TENM2: variants seen among roughly 807,000 people sequenced by gnomAD.
TENM2 encodes the protein teneurin-2.
Under a neutral mutation model 245.2 loss-of-function variants are expected in TENM2, and 52 were observed. The ratio of observed to expected loss-of-function variants is 0.21; its 90% CI spans 0.17 to 0.27. The LOEUF (loss-of-function observed/expected upper bound fraction) is 0.27, where lower values mean the gene tolerates loss of function less well. TENM2 is among the 10% of genes least tolerant of loss of function. The pLI is 1.00. For missense variants in TENM2, 3,046 were observed against 3,666.8 expected (o/e 0.83, Z 4.37); for synonymous variants, 1,363 against 1,438.9 (o/e 0.95, Z 1.19).
At chr5:167,544,518 G>A (rs937444609) in intron 2 of TENM2, among the ~76,000 whole-genome samples, 6 of 152,020 alleles carry the variant, frequency 3.9e-5, no homozygotes, top group Non-Finnish European at 2.9e-5. Flanking sequence ...AATTTATCAG[G>A]GGCACTTTTA....
chr5:167,248,615 T>G, the TENM2 span, among the ~76,000 whole-genome samples: 3 of 152,186 alleles, frequency 2.0e-5, no homozygotes, highest in African/African-American at 7.2e-5. Context: ...GTCCATAAGT[T>G]TGAATTGATG....
chr5:167,987,349 T>G (rs2151989681), intron 4 of TENM2, among the ~76,000 whole-genome samples: 1 of 151,712 alleles, frequency 6.6e-6, no homozygotes, highest in South Asian at 2.1e-4. Context: ...TTTTTTTAGT[T>G]GGAGTTTCCT....
chr5:167,044,660 T>A, the TENM2 span, among the ~76,000 whole-genome samples: 2 of 152,156 alleles, frequency 1.3e-5, no homozygotes, highest in African/African-American at 4.8e-5. Flanking sequence ...GAGCCACTGG[T>A]GTAGAAGCCT....
In TENM2 at chr5:167,681,697, T is replaced by G. The variant is rs564671558; in HGVS notation, c.503-194289T>G. Among the ~76,000 whole-genome samples the G allele has an allele frequency of 4.6e-5, 7 of 152,292 alleles. No individual in the cohort carries two copies. The South Asian group carries it at 1.4e-3, about 32-fold the overall frequency. ...CATATACATAATACATACAAATATATGTACACATGCCCAAATTGCCCTCCA... is the reference window on the plus strand; with the variant it reads ...CATATACATAATACATACAAATATAGGTACACATGCCCAAATTGCCCTCCA... On this transcript the variant is annotated intron_variant, in intron 2 of 28. Coordinates refer to ENST00000518659, the Ensembl canonical transcript of TENM2.
chr5:168,165,652 C>CCA (rs1758196421), intron 13 of TENM2, among the ~76,000 whole-genome samples: 1 of 23,444 alleles, frequency 4.3e-5, no homozygotes, highest in Non-Finnish European at 1.1e-4. Flanking sequence ...CCCCCAACCC[C>CCA]CCCCCCCCCC....
chr5:168,137,921 G>A (rs974084120), intron 12 of TENM2, among the ~76,000 whole-genome samples: 3 of 152,094 alleles, frequency 2.0e-5, no homozygotes, highest in Admixed American at 6.5e-5. Flanking sequence ...AAGTGTTATC[G>A]TATCCTAGAG....
chr5:167,096,775 G>A, the TENM2 span, among the ~76,000 whole-genome samples: 1 of 152,146 alleles, frequency 6.6e-6, no homozygotes. Context: ...TGAGTGATGT[G>A]GAGAAAATAA....
chr5:167,486,197 C>G (rs75340236), intron 2 of TENM2, among the ~76,000 whole-genome samples: 1 of 152,194 alleles, frequency 6.6e-6, no homozygotes, highest in East Asian at 1.9e-4. Flanking sequence ...CATAGAACAT[C>G]TGCCATACTC....
At chr5:168,249,571 G>A (rs1359349289) in intron 27 of TENM2, among the ~76,000 whole-genome samples, 1 of 152,132 alleles carries the variant, frequency 6.6e-6, no homozygotes, top group Admixed American at 6.5e-5. Flanking sequence ...TTGGCCGGCA[G>A]AAGTGAGCTC....
intron 26 of TENM2, among the ~76,000 whole-genome samples, chr5:168,246,250 A>AAT (rs34267396): frequency 1.3e-5 from 2 of 151,518 alleles, no homozygotes; most frequent in Non-Finnish European, 2.9e-5. Flanking sequence ...AAAAAAAAAA[A>AAT]TGCAGGATGT....
At chr5:168,020,509 G>A (rs750379215) in intron 5 of TENM2, among the ~76,000 whole-genome samples, 5 of 152,134 alleles carry the variant, frequency 3.3e-5, no homozygotes, top group Non-Finnish European at 2.9e-5. Context: ...GGTTTTTGAC[G>A]TCGTCATTTT....
At chr5:167,207,334 G>GAGAGAA in the TENM2 span, among the ~76,000 whole-genome samples, 1 of 152,222 alleles carries the variant, frequency 6.6e-6, no homozygotes, top group South Asian at 2.1e-4. Flanking sequence ...GAGAACGCAT[G>GAGAGAA]AGTATAGTCA....
intron 2 of TENM2, among the ~76,000 whole-genome samples, chr5:167,594,490 A>T (rs905386962): frequency 6.6e-6 from 1 of 152,220 alleles, no homozygotes; most frequent in African/African-American, 2.4e-5. Flanking sequence ...ATCAGATTCT[A>T]TCAGGACATT....
intron 2 of TENM2, among the ~76,000 whole-genome samples, chr5:167,445,282 A>C (rs917085675): frequency 6.7e-6 from 1 of 148,358 alleles, no homozygotes; most frequent in African/African-American, 2.5e-5. Context: ...GATACTTACT[A>C]TATGTCAGGC....
chr5:167,395,550 T>G (rs1385131602), intron 2 of TENM2, among the ~76,000 whole-genome samples: 1 of 152,166 alleles, frequency 6.6e-6, no homozygotes, highest in Non-Finnish European at 1.5e-5. Context: ...ATAGAAATGG[T>G]AAGAGCATGT....
chr5:167,950,729 C>T (rs974809206), intron 3 of TENM2, among the ~76,000 whole-genome samples: 2 of 152,116 alleles, frequency 1.3e-5, no homozygotes, highest in Non-Finnish European at 1.5e-5. Context: ...CCTCTTTCCA[C>T]TAATATGAGA....
intron 2 of TENM2, among the ~76,000 whole-genome samples, chr5:167,697,026 C>T (rs1348758723): frequency 6.6e-6 from 1 of 152,244 alleles, no homozygotes; most frequent in East Asian, 1.9e-4. Context: ...GGCCTCTGCG[C>T]ATGCTTCCTC....
the TENM2 span, among the ~76,000 whole-genome samples, chr5:166,993,710 G>A: frequency 6.6e-6 from 1 of 152,220 alleles, no homozygotes; most frequent in Non-Finnish European, 1.5e-5. Context: ...GAAACTAGAT[G>A]TGTTGTAAAG....
the TENM2 span, among the ~76,000 whole-genome samples, chr5:167,039,010 C>A: frequency 6.6e-6 from 1 of 152,056 alleles, no homozygotes; most frequent in Non-Finnish European, 1.5e-5. Context: ...GGGCAAGGGG[C>A]ATATTTAGCT....
Sources: allele counts gnomAD v4.1 joint callset (sites outside exome capture counted in the v4.1 genomes callset), GRCh38; gene constraint gnomAD v4.1.1; transcripts MANE v1.5; gene names NCBI Gene and HGNC (gene_info 2026-07-23, HGNC 2026-07-21).